The following MYO3A variants were observed in gnomAD, a reference collection of about 807,000 sequenced individuals.
The protein encoded by MYO3A is myosin IIIA, also known as myosin-IIIa.
A neutral mutation model predicts 192.7 loss-of-function variants in MYO3A; 180 were observed. The observed-to-expected ratio is 0.93, with a 90% CI of 0.83 to 1.06. The LOEUF is 1.06. MYO3A is among the 50% of genes least tolerant of loss of function. The pLI is 0.00. For missense variants in MYO3A, 1,896 were observed against 1,905.0 expected (o/e 1.00, Z 0.09); for synonymous variants, 628 against 645.3 (o/e 0.97, Z 0.41).
rs574787386 is a variant in MYO3A at position 25,997,014 on chromosome 10, G to A, written c.409-145G>A. On this transcript the variant is annotated intron_variant, in intron 5 of 34. Coordinates refer to ENST00000642920, the MANE Select transcript of MYO3A (RefSeq NM_017433.5). ...CAAAGTGGAAATGATGTTCTTTGAT[G>A]TGACTAACTCAATGTGAAACATTTG... The A allele has an allele frequency of 1.2e-5, 8 of 656,726 alleles. No individual in the cohort carries two copies. In the African/African-American group the frequency reaches 1.5e-4, roughly 12 times the overall value. The allele number at this position is 656,726 out of a possible 1,614,324, so 40.7% of individuals were successfully genotyped here.
In MYO3A at chr10:26,069,769, C is replaced by G. The variant is rs12248210; in HGVS notation, c.1171-342C>G. ...TTATGTCCAAGGAGCAGTTAACAAA[C>G]TGAAACCCGATCGTCTTATTTTTAA... On this transcript the variant is annotated intron_variant, in intron 12 of 34. Transcript: ENST00000642920. 0.47 allele frequency among the ~76,000 whole-genome samples: 72,093 copies of G among 151,780 alleles called. 17,913 individuals carry two copies. The highest frequency in any genetic ancestry group is 0.59 in the Middle Eastern group (173 of 294).
chr10:26,085,017 A>G (rs1314972062), intron 14 of MYO3A, among the ~76,000 whole-genome samples: 3 of 152,108 alleles, frequency 2.0e-5, no homozygotes, highest in Non-Finnish European at 4.4e-5. Flanking sequence ...CTAAGAATTT[A>G]TCTACTTCCA....
chr10:25,985,990 T>C (rs1839629081), intron 4 of MYO3A, among the ~76,000 whole-genome samples: 1 of 152,050 alleles, frequency 6.6e-6, no homozygotes, highest in Admixed American at 6.6e-5. Flanking sequence ...CAACAGCATA[T>C]CAAAACAGTA....
chr10:26,099,395 C>G (rs550984615), intron 17 of MYO3A, among the ~76,000 whole-genome samples: 28 of 152,240 alleles, frequency 1.8e-4, no homozygotes, highest in South Asian at 1.2e-3. Context: ...AATTGAATAC[C>G]CTTTATTTCC....
intron 20 of MYO3A, among the ~76,000 whole-genome samples, chr10:26,135,694 A>G (rs927493271): frequency 1.3e-5 from 2 of 152,050 alleles, no homozygotes; most frequent in Non-Finnish European, 2.9e-5. Context: ...CAGAAACTCG[A>G]CCGGGCGCAG....
At chr10:26,173,330 A>C (rs960079221) in intron 29 of MYO3A, among the ~76,000 whole-genome samples, 10 of 152,180 alleles carry the variant, frequency 6.6e-5, no homozygotes, top group African/African-American at 2.4e-4. Flanking sequence ...TCACTACTAA[A>C]GGTACTTTGT....
intron 2 of MYO3A, among the ~76,000 whole-genome samples, chr10:25,941,779 C>T (rs1363155698): frequency 6.6e-6 from 1 of 152,130 alleles, no homozygotes; most frequent in Non-Finnish European, 1.5e-5. Flanking sequence ...CTTACCCCAG[C>T]TGCTAGCAAC....
At chr10:26,084,843 A>G (rs1409556678) in intron 14 of MYO3A, among the ~76,000 whole-genome samples, 2 of 152,302 alleles carry the variant, frequency 1.3e-5, no homozygotes, top group African/African-American at 2.4e-5. Context: ...AAGTATTGGT[A>G]TTGATTTTCT....
chr10:26,012,553 A>G (rs1841732872), intron 6 of MYO3A, among the ~76,000 whole-genome samples: 1 of 152,194 alleles, frequency 6.6e-6, no homozygotes, highest in African/African-American at 2.4e-5. Context: ...AGATCTCTAC[A>G]AGGAGAACTA....
At chr10:26,010,700 G>A (rs550860257) in intron 6 of MYO3A, among the ~76,000 whole-genome samples, 187 of 152,198 alleles carry the variant, frequency 1.2e-3, no homozygotes, top group Non-Finnish European at 2.0e-3. Context: ...CTGACCTCGC[G>A]ATCCACCTGC....
chr10:26,065,585 CAAAAAAA>C (rs33982842), intron 10 of MYO3A, among the ~76,000 whole-genome samples: 1 of 23,242 alleles, frequency 4.3e-5, no homozygotes, highest in Admixed American at 6.6e-4. Flanking sequence ...ACTCCATCTC[CAAAAAAA>C]AAAAAAAAAA....
intron 23 of MYO3A, among the ~76,000 whole-genome samples, chr10:26,149,391 C>T (rs563025379): frequency 9.2e-5 from 14 of 152,040 alleles, no homozygotes; most frequent in Admixed American, 3.3e-4. Context: ...TGCACCACCA[C>T]GCCCAACTAA....
At position 25,973,519 on chromosome 10, in the gene MYO3A, GAA is replaced by G. The variant is rs574017505; in HGVS notation, c.303+18514_303+18515del. On this transcript the variant is annotated intron_variant, in intron 4 of 34. Coordinates refer to ENST00000642920, the MANE Select transcript of MYO3A (RefSeq NM_017433.5). ...TGGCCAGAACTTCCAATACTATGTTGAAAAGGAGTGGTGAGAGAGGGCATCCT... is the reference window on the plus strand; with the variant it reads ...TGGCCAGAACTTCCAATACTATGTTGAAGGAGTGGTGAGAGAGGGCATCCT... 1.6e-4 allele frequency among the ~76,000 whole-genome samples: 25 copies of G among 152,194 alleles called. No individual in the cohort carries two copies. The South Asian group carries it at 5.0e-3, about 30-fold the overall frequency.
intron 1 of MYO3A, among the ~76,000 whole-genome samples, chr10:25,934,667 G>T (rs570633648): frequency 2.2e-4 from 34 of 151,924 alleles, no homozygotes; most frequent in Non-Finnish European, 4.9e-4. Context: ...TGAACTCGAG[G>T]GGGAGCCAGG....
Position 25,947,073 on chromosome 10 carries a change from G to A in MYO3A, c.-17-5021G>A, listed in dbSNP as rs561239858. Among the ~76,000 whole-genome samples the A allele has an allele frequency of 2.6e-5, 4 of 151,670 alleles. No individual in the cohort carries two copies. In the South Asian group the frequency reaches 6.3e-4, roughly 24 times the overall value. The stretch of plus-strand genomic sequence containing the variant: ...TGTATATATTGGTCTTGTTGGTGGC[G>A]TTCTATATATCCCTTAGGCTCTGTT... On this transcript the variant is annotated intron_variant, in intron 2 of 34. Coordinates refer to ENST00000642920, the MANE Select transcript of MYO3A (RefSeq NM_017433.5).
In MYO3A at chr10:26,008,607, G is replaced by A. The variant is rs566951744; in HGVS notation, c.509-8213G>A. Among the ~76,000 whole-genome samples, 507 of 151,644 alleles carry A rather than the reference G, an allele frequency of 3.3e-3. 2 individuals are homozygous for A. Among genetic ancestry groups the A allele is most frequent in the Non-Finnish European group, 6.3e-3 (426 of 67,902 alleles). ...CTTCTCAACAGAAGACATTTATGCA[G>A]CCAAAAAACACATGAAAAAATGCTC... On this transcript the variant is annotated intron_variant, in intron 6 of 34. Coordinates refer to ENST00000642920, the MANE Select transcript of MYO3A (RefSeq NM_017433.5).
chr10:26,134,670 G>A lies in MYO3A; in HGVS notation c.2262+6132G>A, dbSNP rs932542073. Among the ~76,000 whole-genome samples the A allele has an allele frequency of 1.1e-4, 16 of 152,130 alleles. No homozygotes were observed. In the East Asian group the frequency reaches 1.4e-3, roughly 13 times the overall value. Reference sequence around the variant, plus strand: ...TTAAATTATTTCAAAATGAAAAGTGGCAAAAGTTTTTTTTTCACTGTAATA... The same window carrying A: ...TTAAATTATTTCAAAATGAAAAGTGACAAAAGTTTTTTTTTCACTGTAATA... On this transcript the variant is annotated intron_variant, in intron 20 of 34. Coordinates refer to ENST00000642920, the MANE Select transcript of MYO3A (RefSeq NM_017433.5).
At chr10:26,153,986 C>A in intron 24 of MYO3A, 57 bp downstream of exon 24, 1 of 1,231,614 alleles carries the variant, frequency 8.1e-7, no homozygotes, top group Non-Finnish European at 1.2e-6. Context: ...GGTATGATGG[C>A]AATATTTGTA....
intron 17 of MYO3A, among the ~76,000 whole-genome samples, chr10:26,099,709 A>G (rs1379355950): frequency 6.6e-6 from 1 of 152,228 alleles, no homozygotes; most frequent in Non-Finnish European, 1.5e-5. Flanking sequence ...ATGCTGGATT[A>G]CATATATTGA....
Sources: gnomAD v4.1 joint callset for allele counts (sites outside exome capture counted in the v4.1 genomes callset) on GRCh38, gnomAD v4.1.1 for gene constraint, MANE v1.5 for transcripts, NCBI Gene and HGNC (gene_info 2026-07-23, HGNC 2026-07-21) for gene names.